The following PDS5B variants were observed in gnomAD, a reference collection of about 807,000 sequenced individuals.
PDS5B encodes the protein sister chromatid cohesion protein PDS5 homolog B.
A neutral mutation model predicts 184.1 loss-of-function variants in PDS5B; 51 were observed. The observed-to-expected ratio is 0.28, with a 90% CI of 0.22 to 0.35. The LOEUF (loss-of-function observed/expected upper bound fraction) is 0.35. PDS5B is among the 10% of genes least tolerant of loss of function. The pLI, the probability that PDS5B is intolerant of heterozygous loss-of-function variation, is 1.00. For synonymous variants in PDS5B, 566 were observed against 569.2 expected, an observed-to-expected ratio of 0.99 and a Z score of 0.08; for missense variants, 1,180 against 1,723.3, an observed-to-expected ratio of 0.68 and a Z score of 5.58.
chr13:32,700,623 A>G (rs376447389), intron 16 of PDS5B, among the ~76,000 whole-genome samples: 1 of 152,032 alleles, frequency 6.6e-6, no homozygotes, highest in Non-Finnish European at 1.5e-5. Context: ...AGTTTGTCAT[A>G]TGGCATTTGC....
intron 8 of PDS5B, among the ~76,000 whole-genome samples, chr13:32,673,563 T>C (rs1950990686): frequency 6.6e-6 from 1 of 152,180 alleles, no homozygotes; most frequent in Non-Finnish European, 1.5e-5. Flanking sequence ...GTTTAATAAA[T>C]GATTAGCAAG....
At chr13:32,642,606 AAT>A (rs1315248898) in intron 1 of PDS5B, among the ~76,000 whole-genome samples, 1 of 152,154 alleles carries the variant, frequency 6.6e-6, no homozygotes, top group African/African-American at 2.4e-5. Flanking sequence ...CTCTCCTTAC[AAT>A]GCTGTTCATA....
chr13:32,627,021 T>TA (rs374443823), intron 1 of PDS5B, among the ~76,000 whole-genome samples: 7 of 152,070 alleles, frequency 4.6e-5, no homozygotes, highest in Admixed American at 1.3e-4. Context: ...CACTTTTTTT[T>TA]ATCACATCAG....
At chr13:32,622,076 G>A (rs1213848709) in intron 1 of PDS5B, among the ~76,000 whole-genome samples, 5 of 151,342 alleles carry the variant, frequency 3.3e-5, no homozygotes, top group Non-Finnish European at 1.5e-5. Context: ...CTATTTAGAT[G>A]CATTCTCTTA....
At chr13:32,657,130 T>C (rs1950534535) in intron 3 of PDS5B, among the ~76,000 whole-genome samples, 1 of 152,208 alleles carries the variant, frequency 6.6e-6, no homozygotes, top group African/African-American at 2.4e-5. Flanking sequence ...TGAATATCTT[T>C]GTTAGTTGTC....
chr13:32,639,318 TA>T (rs2058618904), intron 1 of PDS5B, among the ~76,000 whole-genome samples: 1 of 152,146 alleles, frequency 6.6e-6, no homozygotes, highest in Non-Finnish European at 1.5e-5. Context: ...CTTTTACAAA[TA>T]AACATTAACA....
At chr13:32,603,836 C>A (rs1001354207) in intron 1 of PDS5B, among the ~76,000 whole-genome samples, 13 of 152,186 alleles carry the variant, frequency 8.5e-5, no homozygotes, top group African/African-American at 2.9e-4. Context: ...ATTTTATTCT[C>A]TTTGAAGCAA....
intron 7 of PDS5B, among the ~76,000 whole-genome samples, chr13:32,669,202 T>TTTCCA (rs770579745): frequency 6.3e-4 from 96 of 152,300 alleles, no homozygotes; most frequent in Non-Finnish European, 1.2e-3. Context: ...TAAATGACTA[T>TTTCCA]TTCCATGGGC....
rs772938755 is a variant in PDS5B at position 32,694,232 on chromosome 13, T to C, written c.1479T>C (p.Asn493=). 1.2e-6 allele frequency: 2 copies of C among 1,601,846 alleles called. No homozygotes were observed. The highest frequency in any genetic ancestry group is 1.7e-6 in the Non-Finnish European group (2 of 1,173,540). Residue 493 remains asparagine (N), a synonymous_variant, in exon 14 of 35, where the codon AAT becomes AAC. Coordinates refer to ENST00000315596, the MANE Select transcript of PDS5B (RefSeq NM_015032.4). ...TLDLNAVKAL[N]EMWKCQNLLR... ...TGTTTGTGTTTTTCAGAGCATTGAATGAAATGTGGAAATGTCAAAATCTGC... is the reference window on the plus strand; with the variant it reads ...TGTTTGTGTTTTTCAGAGCATTGAACGAAATGTGGAAATGTCAAAATCTGC...
intron 1 of PDS5B, among the ~76,000 whole-genome samples, chr13:32,610,727 A>G (rs1039890775): frequency 5.9e-5 from 9 of 151,688 alleles, no homozygotes; most frequent in African/African-American, 9.7e-5. Flanking sequence ...CTCTCCCCTT[A>G]CTAGTTGTTC....
At chr13:32,645,970 T>A (rs1950208962) in intron 1 of PDS5B, among the ~76,000 whole-genome samples, 1 of 150,728 alleles carries the variant, frequency 6.6e-6, no homozygotes. Context: ...TCTTTCACTT[T>A]GATGTGTGTG....
chr13:32,706,989 G>A lies in PDS5B; in HGVS notation c.1912G>A (p.Glu638Lys). The part of the protein sequence containing the change: ...SIDGTADDED[E>K]GVPTDQAIRA... ...AGATGGAACAGCAGATGATGAAGAT[G>A]AGGGTGTTCCAACTGATCAAGCCAT... is the stretch of plus-strand genomic sequence containing the variant. Residue 638 changes from glutamate to lysine, a missense_variant, in exon 18 of 35, where the codon GAG becomes AAG. Transcript: ENST00000315596. 2 of 1,612,126 alleles carry A rather than the reference G, an allele frequency of 1.2e-6. No homozygotes were observed. Among genetic ancestry groups the A allele is most frequent in the Non-Finnish European group, 1.7e-6 (2 of 1,179,090 alleles).
chr13:32,675,407 A>G (rs1432006210), intron 8 of PDS5B, among the ~76,000 whole-genome samples: 1 of 152,224 alleles, frequency 6.6e-6, no homozygotes, highest in Non-Finnish European at 1.5e-5. Context: ...TGTAGCACAT[A>G]CTAATAGAGC....
chr13:32,696,786 T>C (rs1951719221), intron 14 of PDS5B, 68 bp from the exon 15 acceptor site: 1 of 1,066,668 alleles, frequency 9.4e-7, no homozygotes, highest in South Asian at 1.3e-5. Context: ...TGTCTAATTT[T>C]TTGCAGAGTA....
intron 1 of PDS5B, among the ~76,000 whole-genome samples, chr13:32,591,052 T>G (rs187305867): frequency 4.6e-5 from 7 of 152,042 alleles, no homozygotes; most frequent in African/African-American, 1.7e-4. Flanking sequence ...TTCTTAAAAG[T>G]TTACTTTAAA....
At chr13:32,684,331 T>C (rs747309884) in intron 11 of PDS5B, among the ~76,000 whole-genome samples, 10 of 152,220 alleles carry the variant, frequency 6.6e-5, no homozygotes, top group Admixed American at 5.9e-4. Context: ...GAGATACAAC[T>C]TCTCTTATGT....
intron 7 of PDS5B, among the ~76,000 whole-genome samples, chr13:32,670,074 T>G (rs1950893943): frequency 1.3e-5 from 2 of 152,194 alleles, no homozygotes; most frequent in Non-Finnish European, 2.9e-5. Context: ...GATACTGAGA[T>G]AATAACCCCA....
At chr13:32,760,451 G>T in intron 29 of PDS5B, 124 bp from the exon 30 acceptor site, 1 of 847,152 alleles carries the variant, frequency 1.2e-6, no homozygotes, top group East Asian at 2.6e-5. Context: ...CTTTGCTTAA[G>T]GATAGACACA....
chr13:32,666,247 A>T (rs566277383), intron 6 of PDS5B, among the ~76,000 whole-genome samples: 1 of 152,066 alleles, frequency 6.6e-6, no homozygotes, highest in East Asian at 1.9e-4. Flanking sequence ...CGCCCGGCTG[A>T]TTTTATTTTT....
Sources: gnomAD v4.1 joint callset for allele counts (sites outside exome capture counted in the v4.1 genomes callset) on GRCh38, gnomAD v4.1.1 for gene constraint, MANE v1.5 for transcripts, NCBI Gene and HGNC (gene_info 2026-07-23, HGNC 2026-07-21) for gene names.